ZNF791: variants seen among roughly 807,000 people sequenced by gnomAD.
ZNF791 encodes zinc finger protein 791.
ZNF791 carries 4 observed loss-of-function variants against 11.5 expected under a neutral mutation model. The ratio of observed to expected loss-of-function variants is 0.35; its 90% CI spans 0.17 to 0.80. The LOEUF (loss-of-function observed/expected upper bound fraction) is 0.80. Among genes scored for constraint, ZNF791 ranks in the 30% least tolerant of loss-of-function variants. The pLI is 0.53. For missense variants in ZNF791, 559 were observed against 699.4 expected (o/e 0.80, Z 2.26); for synonymous variants, 212 against 228.1 (o/e 0.93, Z 0.64).
intron 1 of ZNF791, among the ~76,000 whole-genome samples, chr19:12,617,365 C>T (rs781714085): frequency 1.4e-4 from 21 of 152,010 alleles, no homozygotes; most frequent in Admixed American, 2.6e-4. Context: ...ACCTCGTGAT[C>T]CGCCCACCTT....
chr19:12,627,002 G>A (rs1251401290), intron 3 of ZNF791, among the ~76,000 whole-genome samples: 1 of 152,070 alleles, frequency 6.6e-6, no homozygotes, highest in Non-Finnish European at 1.5e-5. Flanking sequence ...GCAACAAGAC[G>A]AGACCCTGTC....
At chr19:12,613,989 G>C (rs1358216044) in intron 1 of ZNF791, among the ~76,000 whole-genome samples, 1 of 152,184 alleles carries the variant, frequency 6.6e-6, no homozygotes, top group Non-Finnish European at 1.5e-5. Context: ...GACAGTGTCT[G>C]TGAAGGTCAG....
intron 3 of ZNF791, among the ~76,000 whole-genome samples, chr19:12,625,763 C>T (rs914818600): frequency 3.6e-5 from 5 of 137,660 alleles, no homozygotes; most frequent in South Asian, 4.7e-4. Context: ...CCAGCCTGGG[C>T]GACAGAGTGA....
intron 3 of ZNF791, among the ~76,000 whole-genome samples, chr19:12,626,755 C>T (rs1269356823): frequency 2.0e-5 from 3 of 151,590 alleles, no homozygotes; most frequent in Admixed American, 1.3e-4. Flanking sequence ...CAGGCGCCCA[C>T]CACCACGCCC....
rs747995414 is a variant in ZNF791 at position 12,627,868 on chromosome 19, A to G, written c.339A>G (p.Ser113=). 3 of 1,614,094 alleles carry G rather than the reference A, an allele frequency of 1.9e-6. No homozygotes were observed. The African/African-American group carries it at 4.0e-5, about 22-fold the overall frequency. ...GTGGAAAAGCCTTCATGCGTCTCTC[A>G]TCCCTTACTAGACACATGAGGTCTC... ...TICGKAFMRL[S]SLTRHMRSHT... Residue 113 remains serine (S), a synonymous_variant, in exon 4 of 4, where the codon TCA becomes TCG. Coordinates refer to ENST00000343325, the MANE Select transcript of ZNF791 (RefSeq NM_153358.3).
chr19:12,625,648 G>A (rs576166718), intron 3 of ZNF791, among the ~76,000 whole-genome samples: 13 of 150,218 alleles, frequency 8.7e-5, no homozygotes, highest in African/African-American at 3.2e-4. Flanking sequence ...AGCCGGGTGT[G>A]GTGGCACACA....
At chr19:12,627,685 C>T in intron 3 of ZNF791, 36 bp from the exon 4 acceptor site, 5 of 1,512,888 alleles carry the variant, frequency 3.3e-6, no homozygotes, top group Non-Finnish European at 4.5e-6. Flanking sequence ...ATCATTAATA[C>T]ACAACCAGTA....
At position 12,629,256 on chromosome 19, in the gene ZNF791, G is replaced by C; in HGVS notation, c.1727G>C (p.Arg576Pro). 6.8e-7 allele frequency: 1 copy of C among 1,462,938 alleles called. No individual in the cohort carries two copies. The highest frequency in any genetic ancestry group is 1.6e-5 in the South Asian group (1 of 61,912). The allele number at this position is 1,462,938 out of a possible 1,614,324, so 90.6% of individuals were successfully genotyped here. A position where few individuals can be genotyped will look rare whatever the true frequency, so the allele number is the denominator to read the frequency against. ...SLKKHMRMHNR is the reference protein window; with the variant it reads ...SLKKHMRMHNP ...AAAAAACATATGAGAATGCACAATC[G>C]ATAGAAACTCTATAAATGTGAGAAA... is the stretch of plus-strand genomic sequence containing the variant. Residue 576 changes from arginine to proline, a missense_variant, in exon 4 of 4, where the codon CGA becomes CCA. By Grantham distance (103) the Arg-to-Pro change is moderately radical. Coordinates refer to ENST00000343325, the MANE Select transcript of ZNF791 (RefSeq NM_153358.3).
At chr19:12,621,792 C>A (rs1307329657) in intron 1 of ZNF791, among the ~76,000 whole-genome samples, 2 of 120,826 alleles carry the variant, frequency 1.7e-5, no homozygotes, top group Non-Finnish European at 1.8e-5. Context: ...CCCCGCCCGG[C>A]CAGCCGCCCC....
At chr19:12,626,056 C>T (rs1217256947) in intron 3 of ZNF791, among the ~76,000 whole-genome samples, 1 of 152,002 alleles carries the variant, frequency 6.6e-6, no homozygotes, top group Non-Finnish European at 1.5e-5. Flanking sequence ...CTCGCTCTGT[C>T]ACCAGGCTAG....
Position 12,628,265 on chromosome 19 carries a change from T to G in ZNF791, c.736T>G (p.Cys246Gly), listed in dbSNP as rs1480649381. 2 of 1,613,926 alleles carry G rather than the reference T, an allele frequency of 1.2e-6. No homozygotes were observed. The highest frequency in any genetic ancestry group is 3.3e-5 in the Admixed American group (2 of 59,988). The change falls in exon 4 of 4, where the codon TGT becomes GGT. Residue 246 changes from cysteine (C) to glycine (G), a missense_variant. Physicochemically the swap from Cys to Gly is radical, Grantham distance 159. Coordinates refer to ENST00000343325, the MANE Select transcript of ZNF791 (RefSeq NM_153358.3). ...TCACACTGGAGAGAAACCCTATGCA[T>G]GTAAGGAATGTGGGAAAGCCTTCAT... is the stretch of plus-strand genomic sequence containing the variant. ...RTHTGEKPYACKECGKAFISH... is the reference protein window; with the variant it reads ...RTHTGEKPYAGKECGKAFISH...
At chr19:12,622,843 G>C (rs1325062125) in intron 1 of ZNF791, among the ~76,000 whole-genome samples, 1 of 147,174 alleles carries the variant, frequency 6.8e-6, no homozygotes, top group Non-Finnish European at 1.5e-5. Flanking sequence ...GCAGTGAGCC[G>C]AGATCGCACC....
chr19:12,618,838 TG>T (rs2023286235), intron 1 of ZNF791, among the ~76,000 whole-genome samples: 1 of 150,876 alleles, frequency 6.6e-6, no homozygotes, highest in African/African-American at 2.4e-5. Context: ...TGTGTGTGTG[TG>T]TGTGTGTGTG....
In ZNF791 at chr19:12,628,048, G is replaced by C. The variant is rs774012082; in HGVS notation, c.519G>C (p.Gln173His). Reference protein sequence around the residue: ...KQCGKTFIYHQPFQRHERTHI... With the variant: ...KQCGKTFIYHHPFQRHERTHI... ...GTGGAAAAACCTTCATATATCACCA[G>C]CCCTTTCAAAGACATGAGCGGACTC... Residue 173 changes from glutamine to histidine, a missense_variant, in exon 4 of 4, where the codon CAG becomes CAC. Physicochemically the swap from Gln to His is conservative, Grantham distance 24. Transcript: ENST00000343325. The C allele has an allele frequency of 1.2e-6, 2 of 1,612,980 alleles. No individual in the cohort carries two copies. Among genetic ancestry groups the C allele is most frequent in the Non-Finnish European group, 8.5e-7 (1 of 1,179,630 alleles).
At position 12,631,591 on chromosome 19, in the gene ZNF791, G is replaced by A. The variant is rs970092634; in HGVS notation, c.*2331G>A. ...TACTAAAAATACAAAAATTACCTGAGCGTGGTGGCATGCACCTGTAATTCC... is the reference window on the plus strand; with the variant it reads ...TACTAAAAATACAAAAATTACCTGAACGTGGTGGCATGCACCTGTAATTCC... On this transcript the variant is annotated 3_prime_UTR_variant, in exon 4 of 4. Transcript: ENST00000343325. 2.6e-5 allele frequency: 4 copies of A among 152,162 alleles called. No homozygotes were observed. Among genetic ancestry groups the A allele is most frequent in the African/African-American group, 4.8e-5 (2 of 41,426 alleles). The allele number at this position is 152,162 out of a possible 1,614,324, so 9.4% of individuals were successfully genotyped here.
At chr19:12,627,527 G>A (rs1274554173) in intron 3 of ZNF791, among the ~76,000 whole-genome samples, 194 bp from the exon 4 acceptor site, 10 of 152,272 alleles carry the variant, frequency 6.6e-5, no homozygotes, top group Non-Finnish European at 1.2e-4. Context: ...TTGGGAGGCC[G>A]AGGTAGGAGA....
chr19:12,617,212 G>A (rs527255794), intron 1 of ZNF791, among the ~76,000 whole-genome samples: 2 of 147,536 alleles, frequency 1.4e-5, no homozygotes, highest in South Asian at 4.2e-4. Context: ...TGCATCCTCC[G>A]CCTCCCGGGT....
chr19:12,615,012 CT>C (rs1180146927), intron 1 of ZNF791, among the ~76,000 whole-genome samples: 185 of 49,870 alleles, frequency 3.7e-3, no homozygotes, highest in African/African-American at 0.015. Context: ...CTATGTTCAA[CT>C]TTTTTTTTTT....
chr19:12,612,366 G>A (rs1466799619), intron 1 of ZNF791: 1 of 152,060 alleles, frequency 6.6e-6, no homozygotes, highest in East Asian at 1.9e-4. Context: ...GAAAGCAATA[G>A]TGGGTTTTCT....
Sources: allele counts gnomAD v4.1 joint callset (sites outside exome capture counted in the v4.1 genomes callset), GRCh38; gene constraint gnomAD v4.1.1; transcripts MANE v1.5; gene names NCBI Gene and HGNC (gene_info 2026-07-23, HGNC 2026-07-21).